The following SRBD1 variants were observed in gnomAD, a reference collection of about 807,000 sequenced individuals.
SRBD1 encodes S1 RNA-binding domain-containing protein 1.
A neutral mutation model predicts 115.3 loss-of-function variants in SRBD1; 88 were observed. The ratio of observed to expected loss-of-function variants is 0.76; its 90% confidence interval spans 0.64 to 0.91. The LOEUF (loss-of-function observed/expected upper bound fraction) is 0.91. Ranked by LOEUF, SRBD1 falls within the 40% of genes least tolerant of loss-of-function variation. The pLI, the probability that SRBD1 is intolerant of heterozygous loss-of-function variation, is 0.00. For missense variants in SRBD1, 1,385 were observed against 1,177.4 expected, an observed-to-expected ratio of 1.18 and a Z score of -2.58; for synonymous variants, 509 against 407.7, an observed-to-expected ratio of 1.25 and a Z score of -2.99.
chr2:45,584,724 T>C (rs934502666), intron 5 of SRBD1, among the ~76,000 whole-genome samples: 4 of 152,238 alleles, frequency 2.6e-5, no homozygotes, highest in South Asian at 2.1e-4. Flanking sequence ...GTCAGTCTTG[T>C]AGTCTTTGTA....
chr2:45,539,663 A>C (rs1454114962), intron 14 of SRBD1, among the ~76,000 whole-genome samples: 4 of 152,154 alleles, frequency 2.6e-5, no homozygotes, highest in African/African-American at 9.7e-5. Context: ...TCAGAAAAAA[A>C]CTCAAGCCGA....
At chr2:45,462,743 G>A (rs932649976) in intron 16 of SRBD1, among the ~76,000 whole-genome samples, 32 of 151,570 alleles carry the variant, frequency 2.1e-4, no homozygotes, top group African/African-American at 4.4e-4. Context: ...GGAGAATGGC[G>A]TGAACCTGGG....
chr2:45,545,793 G>C (rs1349601107), intron 14 of SRBD1, among the ~76,000 whole-genome samples: 2 of 152,170 alleles, frequency 1.3e-5, no homozygotes, highest in East Asian at 3.8e-4. Context: ...GTTACCCTGA[G>C]TTTGTTTTTC....
At chr2:45,518,724 A>G (rs1671194086) in intron 14 of SRBD1, among the ~76,000 whole-genome samples, 1 of 152,210 alleles carries the variant, frequency 6.6e-6, no homozygotes, top group Admixed American at 6.5e-5. Context: ...TCATAAAATA[A>G]CAACCTATAA....
At chr2:45,604,835 C>T (rs1326214198) in intron 2 of SRBD1, among the ~76,000 whole-genome samples, 4 of 152,162 alleles carry the variant, frequency 2.6e-5, no homozygotes, top group Non-Finnish European at 4.4e-5. Context: ...TATTACCAGT[C>T]ATTTACTTAA....
chr2:45,501,195 A>G (rs1377300333), intron 14 of SRBD1, among the ~76,000 whole-genome samples: 2 of 152,216 alleles, frequency 1.3e-5, no homozygotes, highest in Non-Finnish European at 2.9e-5. Context: ...ACTGATCTGC[A>G]TAAGTTGAAC....
chr2:45,586,470 T>C (rs1385508134), intron 4 of SRBD1, among the ~76,000 whole-genome samples: 1 of 152,196 alleles, frequency 6.6e-6, no homozygotes, highest in Non-Finnish European at 1.5e-5. Context: ...AGGGTTAGAG[T>C]TGGAAGACCC....
intron 7 of SRBD1, among the ~76,000 whole-genome samples, chr2:45,578,259 A>C (rs1235200904): frequency 6.6e-6 from 1 of 152,252 alleles, no homozygotes; most frequent in Non-Finnish European, 1.5e-5. Flanking sequence ...GACTGGGCAC[A>C]GACAGTTTCC....
intron 16 of SRBD1, among the ~76,000 whole-genome samples, chr2:45,429,189 G>A (rs2103667593): frequency 6.6e-6 from 1 of 152,236 alleles, no homozygotes; most frequent in Middle Eastern, 3.4e-3. Flanking sequence ...AGGACCTGAA[G>A]AATTTGCAGT....
At chr2:45,418,263 A>C (rs1667889787) in intron 18 of SRBD1, 102 bp downstream of exon 18, 1 of 1,385,688 alleles carries the variant, frequency 7.2e-7, no homozygotes, top group East Asian at 2.3e-5. Flanking sequence ...GAAGGCATGA[A>C]CAATGGACAC....
chr2:45,518,315 A>G (rs1671181385), intron 14 of SRBD1, among the ~76,000 whole-genome samples: 1 of 152,218 alleles, frequency 6.6e-6, no homozygotes, highest in Non-Finnish European at 1.5e-5. Context: ...CCCCTTCAAA[A>G]AGTCTACTGA....
chr2:45,482,508 T>C (rs555177966), intron 15 of SRBD1, among the ~76,000 whole-genome samples: 2 of 152,060 alleles, frequency 1.3e-5, no homozygotes, highest in African/African-American at 4.8e-5. Context: ...ATTGTAGTTA[T>C]AAGTTAATAA....
rs1267719415 is a variant in SRBD1, at chr2:45,579,972, C to T, written c.975G>A (p.Gln325=). The T allele has an allele frequency of 1.0e-5, 16 of 1,602,498 alleles. No individual in the cohort carries two copies. Among genetic ancestry groups the T allele is most frequent in the Admixed American group, 3.5e-5 (2 of 57,604 alleles). ...CTTCTAAGCCCAACTGTCTTGCTCT[C>T]TGGGCTTTAGTCCCTTTGCTTCCAG... ...YKTGSKGTKA[Q]RARQLGLEGA... is the part of the protein sequence containing the mutation. The change falls in exon 7 of 21, where the codon CAG becomes CAA. Residue 325 remains glutamine (Q), a synonymous_variant. Coordinates refer to ENST00000263736, the MANE Select transcript of SRBD1 (RefSeq NM_018079.5).
chr2:45,422,201 C>T (rs1460975102), intron 16 of SRBD1, among the ~76,000 whole-genome samples: 1 of 152,334 alleles, frequency 6.6e-6, no homozygotes, highest in African/African-American at 2.4e-5. Context: ...CTTCCTAGCA[C>T]ATCAGATGCT....
chr2:45,389,373 G>C lies in SRBD1; in HGVS notation c.2925C>G (p.Val975=), dbSNP rs946485980. The C allele has an allele frequency of 5.0e-6, 8 of 1,613,842 alleles. No homozygotes were observed. Among genetic ancestry groups the C allele is most frequent in the Admixed American group, 1.7e-5 (1 of 59,972 alleles). Residue 975 remains valine, a synonymous_variant, in exon 21 of 21, where the codon GTC becomes GTG. Coordinates refer to ENST00000263736, the MANE Select transcript of SRBD1 (RefSeq NM_018079.5). ...LGLGPGERVE[V]QVLNIDIPRS... is the part of the protein sequence containing the mutation. The stretch of plus-strand genomic sequence containing the variant: ...GGGGGATGTCAATGTTGAGTACTTG[G>C]ACTTCCACTCTTTCTCCGGGGCCCA...
At chr2:45,554,334 T>G (rs931743019) in intron 10 of SRBD1, among the ~76,000 whole-genome samples, 3 of 152,238 alleles carry the variant, frequency 2.0e-5, no homozygotes, top group Admixed American at 6.5e-5. Context: ...TCCAGAACTA[T>G]GAGAAAATAA....
At chr2:45,511,628 T>C (rs1670973001) in intron 14 of SRBD1, among the ~76,000 whole-genome samples, 1 of 152,198 alleles carries the variant, frequency 6.6e-6, no homozygotes, top group African/African-American at 2.4e-5. Context: ...TGATCAAAGT[T>C]TCAATTTTAA....
intron 19 of SRBD1, among the ~76,000 whole-genome samples, chr2:45,412,509 C>T (rs182440185): frequency 6.6e-6 from 1 of 152,150 alleles, no homozygotes; most frequent in East Asian, 1.9e-4. Flanking sequence ...CACTGTCATA[C>T]AATTCAGTAA....
At chr2:45,549,299 G>A (rs377714797) in intron 12 of SRBD1, among the ~76,000 whole-genome samples, 23 of 132,258 alleles carry the variant, frequency 1.7e-4, no homozygotes, top group Non-Finnish European at 3.3e-4. Flanking sequence ...TCCACACAGA[G>A]TTTTTTTTTT....
Sources: gnomAD v4.1 joint callset for allele counts (sites outside exome capture counted in the v4.1 genomes callset) on GRCh38, gnomAD v4.1.1 for gene constraint, MANE v1.5 for transcripts, NCBI Gene and HGNC (gene_info 2026-07-23, HGNC 2026-07-21) for gene names.